PI4KA: variants seen among roughly 807,000 people sequenced by gnomAD.
The protein encoded by PI4KA is PI4-kinase alpha.
A neutral mutation model predicts 271.4 loss-of-function variants in PI4KA; 122 were observed. The ratio of observed to expected loss-of-function variants is 0.45; its 90% CI spans 0.39 to 0.52. The LOEUF is 0.52. Ranked by LOEUF, PI4KA falls within the 20% of genes least tolerant of loss-of-function variation. The probability of loss-of-function intolerance (pLI) is 0.00; values close to 1 mark genes in which losing one functional copy is unlikely to be tolerated. For missense variants in PI4KA, 1,969 were observed against 2,769.1 expected (o/e 0.71, Z 6.48); for synonymous variants, 1,041 against 1,078.8 (o/e 0.96, Z 0.69).
chr22:20,817,736 A>G (rs1302640985), intron 7 of PI4KA, among the ~76,000 whole-genome samples: 1 of 30,142 alleles, frequency 3.3e-5, no homozygotes, highest in East Asian at 9.5e-4. Flanking sequence ...TCTCTCTCCA[A>G]AAAAAAAAAA....
At chr22:20,778,019 T>C (rs1933437448) in intron 19 of PI4KA, among the ~76,000 whole-genome samples, 1 of 152,172 alleles carries the variant, frequency 6.6e-6, no homozygotes, top group Non-Finnish European at 1.5e-5. Context: ...TTTCTAACCC[T>C]GTGTTAGAAG....
At chr22:20,739,833 C>A (rs1052616324) in intron 32 of PI4KA, among the ~76,000 whole-genome samples, 1 of 152,140 alleles carries the variant, frequency 6.6e-6, no homozygotes, top group Admixed American at 6.5e-5. Flanking sequence ...GAGGCTGAGG[C>A]AGGTGCATCA....
chr22:20,777,219 C>CT (rs374097207), intron 19 of PI4KA, among the ~76,000 whole-genome samples: 4,553 of 140,966 alleles, frequency 0.032, 83 homozygotes, highest in Middle Eastern at 0.064. Flanking sequence ...TTTTTCTTTT[C>CT]TTTTTTTTTT....
rs1927956645 is a variant in PI4KA at position 20,858,582 on chromosome 22, T to C, written c.144A>G (p.Ala48=). The C allele has an allele frequency of 7.0e-7, 1 of 1,428,352 alleles. No homozygotes were observed. The highest frequency in any genetic ancestry group is 9.2e-7 in the Non-Finnish European group (1 of 1,090,424). The allele number at this position is 1,428,352 out of a possible 1,614,324, so 88.5% of individuals were successfully genotyped here. Residue 48 remains alanine, a synonymous_variant, in exon 1 of 55, where the codon GCA becomes GCG. Transcript: ENST00000255882. The part of the protein sequence containing the change: ...LARSLAVQRP[A]SLEKVQKLLC... The stretch of plus-strand genomic sequence containing the variant: ...CCGCCGACGTTACCTTCTCCAAGGA[T>C]GCTGGTCTCTGCACCGCCAGGGAGC...
intron 52 of PI4KA, chr22:20,710,201 C>T (rs1041705992): frequency 3.3e-5 from 21 of 633,304 alleles, no homozygotes; most frequent in South Asian, 1.3e-4. Flanking sequence ...GCTGCCCACA[C>T]GCACTCTGGA....
chr22:20,824,345 T>A lies in PI4KA; in HGVS notation c.437A>T (p.Asp146Val). The A allele has an allele frequency of 6.2e-7, 1 of 1,612,146 alleles. No homozygotes were observed. The highest frequency in any genetic ancestry group is 8.5e-7 in the Non-Finnish European group (1 of 1,178,356). ...VTLLSDVAYR[D>V]PSLRDEILEV... ...GCTTACCTCATCCCTAAGTGAAGGA[T>A]CCCTATAGGCCACATCAGACAGCAG... The change falls in exon 4 of 55, where the codon GAT becomes GTT. Residue 146 changes from aspartate (D) to valine (V), a missense_variant. By Grantham distance (152) the Asp-to-Val change is radical (BLOSUM62 -3). Transcript: ENST00000255882.
rs2147507229 is a variant in PI4KA, at chr22:20,784,343, T to C, written c.2328+8850A>G. ...TCATTTTTTTAAAAAGGGAGAATTA[T>C]GTACAAGTACCCAAGAACTTCCATA... On this transcript the variant is annotated intron_variant, in intron 19 of 54. Transcript: ENST00000255882. 3.9e-6 allele frequency: 6 copies of C among 1,527,026 alleles called. No homozygotes were observed. In the South Asian group the frequency reaches 7.0e-5, roughly 18 times the overall value. 94.6% of individuals were successfully genotyped at this position (1,527,026 alleles called of 1,614,324 possible).
Position 20,803,372 on chromosome 22 carries a change from G to A in PI4KA, c.1462-52C>T, listed in dbSNP as rs766281385. The A allele has an allele frequency of 1.9e-6, 3 of 1,610,994 alleles. No individual in the cohort carries two copies. In the Admixed American group the frequency reaches 5.0e-5, roughly 27 times the overall value. On this transcript the variant is annotated intron_variant, in intron 12 of 54. Coordinates refer to ENST00000255882, the MANE Select transcript of PI4KA (RefSeq NM_058004.4). Reference sequence around the variant, plus strand: ...TGGCCTGTGGTATGGGACCATCTGAGTAGGCCCTGAGCAGGGAGGTGCTCA... The same window carrying A: ...TGGCCTGTGGTATGGGACCATCTGAATAGGCCCTGAGCAGGGAGGTGCTCA...
chr22:20,807,211 C>T, intron 10 of PI4KA, 151 bp downstream of exon 10: 1 of 587,508 alleles, frequency 1.7e-6, no homozygotes, highest in South Asian at 2.2e-5. Context: ...TGCTTTTTTC[C>T]CAAAATTTCA....
At chr22:20,716,009 C>T (rs1339810067) in intron 45 of PI4KA, among the ~76,000 whole-genome samples, 1 of 152,144 alleles carries the variant, frequency 6.6e-6, no homozygotes, top group Non-Finnish European at 1.5e-5. Flanking sequence ...TTGTTCTCAG[C>T]CTCCCAAGTA....
In PI4KA at chr22:20,727,282, G is replaced by C; in HGVS notation, c.4889C>G (p.Pro1630Arg). Reference sequence around the variant, plus strand: ...CCCGTACTGCGCCGTGAGAGGGTGCGGCGGGTACATGCTGGAGAAGTAGGA... The same window carrying C: ...CCCGTACTGCGCCGTGAGAGGGTGCCGCGGGTACATGCTGGAGAAGTAGGA... ...GLSYFSSMYP[P>R]HPLTAQYGVK... Residue 1630 changes from proline to arginine, a missense_variant, in exon 41 of 55, where the codon CCG becomes CGG. Coordinates refer to ENST00000255882, the MANE Select transcript of PI4KA (RefSeq NM_058004.4). 1 of 1,613,440 alleles carries C rather than the reference G, an allele frequency of 6.2e-7. No homozygotes were observed. Among genetic ancestry groups the C allele is most frequent in the Non-Finnish European group, 8.5e-7 (1 of 1,179,952 alleles).
At chr22:20,850,393 G>A (rs886397266) in intron 1 of PI4KA, among the ~76,000 whole-genome samples, 3 of 151,848 alleles carry the variant, frequency 2.0e-5, no homozygotes, top group African/African-American at 7.3e-5. Context: ...CTGTGGTGGC[G>A]CATGCTAAAG....
At chr22:20,836,980 T>C (rs1171093620) in intron 2 of PI4KA, among the ~76,000 whole-genome samples, 3 of 152,350 alleles carry the variant, frequency 2.0e-5, no homozygotes, top group African/African-American at 4.8e-5. Context: ...TGAACAACAA[T>C]AGTTTCTTAT....
chr22:20,799,285 G>T lies in PI4KA; in HGVS notation c.1821-9C>A, dbSNP rs771014936. On this transcript the variant is annotated splice_polypyrimidine_tract_variant and intron_variant, in intron 15 of 54. Coordinates refer to ENST00000255882, the MANE Select transcript of PI4KA (RefSeq NM_058004.4). ...GAATCAAGTGAGCGTCCCTACAGAA[G>T]GAAGAACAGAAGCGCCCTAGCAACA... 1 of 1,512,916 alleles carries T rather than the reference G, an allele frequency of 6.6e-7. No individual in the cohort carries two copies. The highest frequency in any genetic ancestry group is 8.8e-7 in the Non-Finnish European group (1 of 1,134,332). The allele number at this position is 1,512,916 out of a possible 1,614,324, so 93.7% of individuals were successfully genotyped here.
chr22:20,750,066 G>A lies in PI4KA; in HGVS notation c.3154-72C>T. The stretch of plus-strand genomic sequence containing the variant: ...CTGAGCTGCCGTAGTGACTGTCATG[G>A]GCTGAACTATGTCTCCCCAAATCCC... On this transcript the variant is annotated intron_variant, in intron 27 of 54. Transcript: ENST00000255882. 3.1e-6 allele frequency: 3 copies of A among 972,442 alleles called. 1 individual carries two copies. In the South Asian group the frequency reaches 3.9e-5, roughly 13 times the overall value. 60.2% of individuals were successfully genotyped at this position (972,442 alleles called of 1,614,324 possible).
intron 23 of PI4KA, 38 bp downstream of exon 23, chr22:20,761,266 C>T (rs1569000112): frequency 1.7e-6 from 2 of 1,207,706 alleles, no homozygotes; most frequent in Non-Finnish European, 2.5e-6. Context: ...CCTATTAAAG[C>T]TCAATTCATC....
chr22:20,718,952 A>G, intron 43 of PI4KA, 130 bp from the exon 44 acceptor site: 2 of 940,296 alleles, frequency 2.1e-6, no homozygotes, highest in South Asian at 1.6e-5. Flanking sequence ...TGAGACCATA[A>G]CAGCTGCCGT....
intron 3 of PI4KA, among the ~76,000 whole-genome samples, chr22:20,829,392 A>G (rs957531588): frequency 2.0e-5 from 3 of 152,034 alleles, no homozygotes; most frequent in African/African-American, 4.8e-5. Context: ...GGTAGGTTGT[A>G]TATGTCCAGG....
intron 36 of PI4KA, among the ~76,000 whole-genome samples, chr22:20,732,166 T>G (rs1852232505): frequency 6.6e-6 from 1 of 151,196 alleles, no homozygotes. Flanking sequence ...AGATCAATAC[T>G]CTGTCTCAAA....
Sources: allele counts gnomAD v4.1 joint callset (sites outside exome capture counted in the v4.1 genomes callset), GRCh38; gene constraint gnomAD v4.1.1; transcripts MANE v1.5; gene names NCBI Gene and HGNC (gene_info 2026-07-23, HGNC 2026-07-21).